The following RAB33A variants were observed in gnomAD, a reference collection of about 807,000 sequenced individuals.
The protein encoded by RAB33A is ras-related protein Rab-33A.
In RAB33A, 6 loss-of-function variants were observed where a neutral mutation model predicts 12.0. That is an observed-to-expected ratio of 0.50 (90% CI 0.27 to 0.99). RAB33A has a LOEUF of 0.99. Among genes scored for constraint, RAB33A ranks in the 50% least tolerant of loss-of-function variants. The probability of loss-of-function intolerance (pLI) is 0.11; values close to 1 mark genes in which losing one functional copy is unlikely to be tolerated. For synonymous variants in RAB33A, 70 were observed against 82.4 expected (o/e 0.85, Z 0.81); for missense variants, 109 against 192.0 (o/e 0.57, Z 2.55).
the RAB33A span, among the ~76,000 whole-genome samples, chrX:130,153,934 C>G: frequency 8.9e-6 from 1 of 112,320 alleles, no homozygotes; most frequent in African/African-American, 3.2e-5. Context: ...CGTTCAACAA[C>G]TTACAGCTAT....
chrX:130,139,995 G>A, the RAB33A span: 3,249 of 605,254 alleles, frequency 5.4e-3, 41 homozygotes, highest in African/African-American at 0.04. Context: ...AACAGGATAG[G>A]ATACCAAGGC....
chrX:130,145,476 C>T, the RAB33A span: 10 of 1,202,426 alleles, frequency 8.3e-6, no homozygotes, highest in East Asian at 3.0e-4. Context: ...TCTACTAGCT[C>T]ACCTTCTTCC....
In RAB33A at chrX:130,184,472, TG is replaced by T. The variant is rs1569427298; in HGVS notation, c.449del (p.Gly150AlafsTer6). Reference protein sequence around the residue: ...AVPPLVPKVLVGNKCDLREQI... With the variant: ...AVPPLVPKVLXGNKCDLREQI... ...CCCCCACTAGTCCCCAAAGTGCTTGTGGGCAACAAGTGTGACTTGAGGGAAC... is the reference window on the plus strand; with the variant it reads ...CCCCCACTAGTCCCCAAAGTGCTTGTGGCAACAAGTGTGACTTGAGGGAAC... On this transcript the variant is annotated frameshift_variant, in exon 2 of 2. Coordinates refer to ENST00000257017, the MANE Select transcript of RAB33A (RefSeq NM_004794.3). LOFTEE classifies it high-confidence loss of function. 8.3e-7 allele frequency: 1 copy of T among 1,210,677 alleles called. No homozygotes were observed. The highest frequency in any genetic ancestry group is 1.8e-5 in the South Asian group (1 of 56,888).
chrX:130,167,368 A>C (rs755824974), upstream of RAB33A, among the ~76,000 whole-genome samples: 7 of 112,857 alleles, frequency 6.2e-5, no homozygotes, highest in African/African-American at 2.3e-4. Flanking sequence ...GCTGTTTGTT[A>C]AATGAAAAGG....
the RAB33A span, among the ~76,000 whole-genome samples, chrX:130,133,899 TG>T: frequency 9.1e-6 from 1 of 109,931 alleles, no homozygotes; most frequent in Non-Finnish European, 1.9e-5. Flanking sequence ...TCCAAAGTGC[TG>T]GGATTACAGG....
At chrX:130,176,515 G>GA (rs1460596095) in intron 1 of RAB33A, among the ~76,000 whole-genome samples, 1 of 110,799 alleles carries the variant, frequency 9.0e-6, no homozygotes, top group Non-Finnish European at 1.9e-5. Flanking sequence ...ATCACTGGGG[G>GA]AAAAAAAATA....
At chrX:130,177,209 A>G (rs2031673160) in intron 1 of RAB33A, among the ~76,000 whole-genome samples, 1 of 112,129 alleles carries the variant, frequency 8.9e-6, no homozygotes, top group South Asian at 3.7e-4. Context: ...CTCACCTTCG[A>G]GAAGCCAAGC....
the RAB33A span, among the ~76,000 whole-genome samples, chrX:130,132,357 T>C: frequency 8.9e-6 from 1 of 112,553 alleles, no homozygotes; most frequent in Non-Finnish European, 1.9e-5. Flanking sequence ...GAAACGTTCT[T>C]GAATTTATTC....
the RAB33A span, among the ~76,000 whole-genome samples, chrX:130,150,526 G>A: frequency 3.9e-5 from 4 of 102,581 alleles, no homozygotes; most frequent in Admixed American, 3.1e-4. Context: ...TAGTAGAGAC[G>A]GGGTTTCACC....
At chrX:130,155,441 T>C in the RAB33A span, among the ~76,000 whole-genome samples, 3 of 112,579 alleles carry the variant, frequency 2.7e-5, no homozygotes, top group Non-Finnish European at 5.6e-5. Context: ...TTGCAGAATG[T>C]GTATTTCATC....
the RAB33A span, among the ~76,000 whole-genome samples, chrX:130,143,312 T>A: frequency 8.9e-6 from 1 of 112,138 alleles, no homozygotes; most frequent in African/African-American, 3.2e-5. Context: ...GATATTCCAC[T>A]TCATACTTAA....
At chrX:130,170,260 A>G (rs746287124), upstream of RAB33A, among the ~76,000 whole-genome samples, 1 of 112,541 alleles carries the variant, frequency 8.9e-6, no homozygotes, top group South Asian at 3.7e-4. Flanking sequence ...ATTTGCTTTC[A>G]GGTATATCAC....
upstream of RAB33A, among the ~76,000 whole-genome samples, chrX:130,169,841 T>G (rs759157379): frequency 8.9e-6 from 1 of 112,422 alleles, no homozygotes; most frequent in South Asian, 3.6e-4. Flanking sequence ...CAAAGCCCCT[T>G]TCTACTTTGT....
the RAB33A span, among the ~76,000 whole-genome samples, chrX:130,158,911 A>C: frequency 4.5e-5 from 5 of 110,253 alleles, no homozygotes; most frequent in South Asian, 3.8e-4. Context: ...TAGAGAAGGA[A>C]TTTCCCCCTT....
At chrX:130,133,336 C>T in the RAB33A span, 15 of 1,209,008 alleles carry the variant, frequency 1.2e-5, no homozygotes, top group African/African-American at 7.0e-5. Context: ...GATGCCAGTA[C>T]GGCTTAGCAG....
chrX:130,129,485 A>T, the RAB33A span: 1 of 909,529 alleles, frequency 1.1e-6, no homozygotes, highest in Non-Finnish European at 1.6e-6. Flanking sequence ...CTGCTGAATA[A>T]AAAAATGCTC....
the RAB33A span, chrX:130,147,913 A>C: frequency 1.7e-6 from 2 of 1,209,038 alleles, no homozygotes; most frequent in Non-Finnish European, 2.2e-6. Context: ...AATCTTCTTG[A>C]AGTCTCAGAT....
the RAB33A span, among the ~76,000 whole-genome samples, chrX:130,111,001 G>T: frequency 2.1e-5 from 2 of 96,886 alleles, no homozygotes; most frequent in Non-Finnish European, 4.2e-5. Context: ...GACTGCGGGC[G>T]GGCGGGGTGG....
upstream of RAB33A, among the ~76,000 whole-genome samples, chrX:130,169,112 G>A (rs1285545668): frequency 4.6e-5 from 5 of 108,983 alleles, no homozygotes; most frequent in African/African-American, 1.7e-4. Context: ...GGAGGCTGAG[G>A]CAGGAGAATG....
Sources: gnomAD v4.1 joint callset for allele counts (sites outside exome capture counted in the v4.1 genomes callset) on GRCh38, gnomAD v4.1.1 for gene constraint, MANE v1.5 for transcripts, NCBI Gene and HGNC (gene_info 2026-07-23, HGNC 2026-07-21) for gene names.